The following FBXL7 variants were observed in gnomAD, a reference collection of about 807,000 sequenced individuals.
The protein encoded by FBXL7 is F-box and leucine rich repeat protein 7, also known as F-box/LRR-repeat protein 7.
In FBXL7, 12 loss-of-function variants were observed where a neutral mutation model predicts 38.3. That is an observed-to-expected ratio of 0.31 (90% confidence interval 0.20 to 0.51). The LOEUF is 0.51. Ranked by LOEUF, FBXL7 falls within the 20% of genes least tolerant of loss-of-function variation. The pLI, the probability that FBXL7 is intolerant of heterozygous loss-of-function variation, is 0.98. For synonymous variants in FBXL7, 297 were observed against 300.9 expected (o/e 0.99, Z 0.13); for missense variants, 567 against 676.4 (o/e 0.84, Z 1.79).
At chr5:15,935,286 A>T (rs370075086) in intron 3 of FBXL7, 6 of 530,532 alleles carry the variant, frequency 1.1e-5, no homozygotes, top group South Asian at 5.6e-5. Context: ...TCCGTTTTCC[A>T]AGACACCTCG....
chr5:15,765,749 T>C (rs148438519), intron 2 of FBXL7, among the ~76,000 whole-genome samples: 12 of 152,112 alleles, frequency 7.9e-5, no homozygotes, highest in Non-Finnish European at 1.3e-4. Flanking sequence ...GTTCCAGGAG[T>C]GTGAATCCAT....
chr5:15,551,898 C>G (rs1738083934), intron 1 of FBXL7, among the ~76,000 whole-genome samples: 1 of 152,296 alleles, frequency 6.6e-6, no homozygotes, highest in South Asian at 2.1e-4. Context: ...TGTAAAGAGT[C>G]CCTTTCCTTC....
intron 2 of FBXL7, among the ~76,000 whole-genome samples, chr5:15,785,389 T>A (rs958265173): frequency 1.3e-5 from 2 of 152,178 alleles, no homozygotes; most frequent in African/African-American, 4.8e-5. Flanking sequence ...CACCCCACTG[T>A]GGACATCTCA....
intron 2 of FBXL7, among the ~76,000 whole-genome samples, chr5:15,786,258 T>A (rs1323335940): frequency 6.6e-6 from 1 of 152,106 alleles, no homozygotes; most frequent in Non-Finnish European, 1.5e-5. Context: ...GGGGGGTGTT[T>A]CCTCCTTCCC....
At chr5:15,617,778 G>C (rs1740503608) in intron 2 of FBXL7, among the ~76,000 whole-genome samples, 1 of 152,148 alleles carries the variant, frequency 6.6e-6, no homozygotes, top group Admixed American at 6.5e-5. Context: ...AGGAGCCATA[G>C]TGGAAATCAT....
chr5:15,515,964 T>A (rs182883240), intron 1 of FBXL7, among the ~76,000 whole-genome samples: 3 of 152,320 alleles, frequency 2.0e-5, no homozygotes, highest in Non-Finnish European at 4.4e-5. Flanking sequence ...CTTATTATTA[T>A]CACTACTACG....
Position 15,666,234 on chromosome 5 carries a change from A to G in FBXL7, c.127+50162A>G, listed in dbSNP as rs151255994. Among the ~76,000 whole-genome samples, 28 of 152,226 alleles carry G rather than the reference A, an allele frequency of 1.8e-4. No homozygotes were observed. The East Asian group carries it at 5.4e-3, about 29-fold the overall frequency. ...TCTGAGTTGTGTTTTTTGGAGGACCACATATATATTTTTAAATGTTTATTA... is the reference window on the plus strand; with the variant it reads ...TCTGAGTTGTGTTTTTTGGAGGACCGCATATATATTTTTAAATGTTTATTA... On this transcript the variant is annotated intron_variant, in intron 2 of 3. Coordinates refer to ENST00000504595, the MANE Select transcript of FBXL7 (RefSeq NM_012304.5).
chr5:15,805,922 G>C (rs901060474), intron 2 of FBXL7, among the ~76,000 whole-genome samples: 9 of 152,034 alleles, frequency 5.9e-5, no homozygotes, highest in Non-Finnish European at 1.2e-4. Context: ...CTTTTCTCAG[G>C]CTATGAATAA....
chr5:15,670,754 T>C (rs1372384998), intron 2 of FBXL7, among the ~76,000 whole-genome samples: 1 of 151,682 alleles, frequency 6.6e-6, no homozygotes, highest in Non-Finnish European at 1.5e-5. Flanking sequence ...TGAGCCAAGA[T>C]CATGCCACTG....
chr5:15,629,605 G>A (rs17523312), intron 2 of FBXL7, among the ~76,000 whole-genome samples: 37,743 of 151,986 alleles, frequency 0.25, 4,932 homozygotes, highest in Middle Eastern at 0.29. Flanking sequence ...CCACAGCCCA[G>A]TCAACATATC....
intron 2 of FBXL7, among the ~76,000 whole-genome samples, chr5:15,804,155 A>G (rs1378874266): frequency 2.6e-5 from 4 of 152,160 alleles, no homozygotes; most frequent in African/African-American, 7.2e-5. Context: ...TTACTGCAGC[A>G]TTCTTATTCT....
intron 1 of FBXL7, among the ~76,000 whole-genome samples, chr5:15,596,008 A>G (rs936212719): frequency 3.6e-4 from 55 of 152,210 alleles, no homozygotes; most frequent in Admixed American, 1.3e-4. Flanking sequence ...GGCTGCTGTA[A>G]GAGTTAAGGG....
intron 2 of FBXL7, among the ~76,000 whole-genome samples, chr5:15,883,357 TG>T (rs1158589004): frequency 6.6e-6 from 1 of 152,202 alleles, no homozygotes; most frequent in Non-Finnish European, 1.5e-5. Context: ...ACTACCATTT[TG>T]CCCCATTCTT....
At chr5:15,747,163 A>G (rs187676213) in intron 2 of FBXL7, among the ~76,000 whole-genome samples, 8 of 152,338 alleles carry the variant, frequency 5.3e-5, no homozygotes, top group Admixed American at 4.6e-4. Context: ...CCAGATGAAG[A>G]TGTTTCAAGA....
chr5:15,539,648 A>G (rs1561020219), intron 1 of FBXL7, among the ~76,000 whole-genome samples: 1 of 152,136 alleles, frequency 6.6e-6, no homozygotes, highest in Non-Finnish European at 1.5e-5. Context: ...TATTCCTCCC[A>G]TAGTTCACAC....
chr5:15,873,838 CA>C (rs1740080737), intron 2 of FBXL7, among the ~76,000 whole-genome samples: 1 of 152,156 alleles, frequency 6.6e-6, no homozygotes, highest in South Asian at 2.1e-4. Flanking sequence ...ACCAGAGGTA[CA>C]AAGAGGAGCT....
intron 1 of FBXL7, among the ~76,000 whole-genome samples, chr5:15,541,395 TC>T (rs1312936753): frequency 3.6e-5 from 5 of 139,426 alleles, no homozygotes; most frequent in African/African-American, 1.3e-4. Context: ...CACACATATA[TC>T]CATATATATG....
At chr5:15,683,981 C>A (rs1476750378) in intron 2 of FBXL7, among the ~76,000 whole-genome samples, 1 of 152,062 alleles carries the variant, frequency 6.6e-6, no homozygotes, top group Admixed American at 6.6e-5. Context: ...TTTAATCATA[C>A]AAAGGCCTTT....
intron 1 of FBXL7, among the ~76,000 whole-genome samples, chr5:15,518,151 G>T (rs648631): frequency 0.034 from 5,115 of 151,924 alleles, 291 homozygotes; most frequent in African/African-American, 0.12. Context: ...CCACCATGCC[G>T]GGCTAATTTT....
Sources: gnomAD v4.1 joint callset for allele counts (sites outside exome capture counted in the v4.1 genomes callset) on GRCh38, gnomAD v4.1.1 for gene constraint, MANE v1.5 for transcripts, NCBI Gene and HGNC (gene_info 2026-07-23, HGNC 2026-07-21) for gene names.